The following PRKCSH variants were observed in gnomAD, a reference collection of about 807,000 sequenced individuals.
PRKCSH encodes glucosidase 2 subunit beta.
Under a neutral mutation model 79.7 loss-of-function variants are expected in PRKCSH, and 42 were observed. That is an observed-to-expected ratio of 0.53 (90% CI 0.41 to 0.68). The LOEUF is 0.68. PRKCSH is among the 30% of genes least tolerant of loss of function. PRKCSH has a pLI of 0.00. For missense variants in PRKCSH, 686 were observed against 709.0 expected, an observed-to-expected ratio of 0.97 and a Z score of 0.37; for synonymous variants, 325 against 288.2, an observed-to-expected ratio of 1.13 and a Z score of -1.29.
In PRKCSH at chr19:11,447,398, A is replaced by C; in HGVS notation, c.850-41A>C. On this transcript the variant is annotated intron_variant, in intron 10 of 17. Transcript: ENST00000677123. The surrounding 1 kb of genome is among the most constrained non-coding windows in gnomAD (Gnocchi z 5.6). ...GGTGTGAGCCTGAGGGTGTGGGTGG[A>C]CCCTGAGTCCACAACACCGACCGCA... The C allele has an allele frequency of 6.3e-7, 1 of 1,598,612 alleles. No individual in the cohort carries two copies. Among genetic ancestry groups the C allele is most frequent in the Non-Finnish European group, 8.6e-7 (1 of 1,167,692 alleles).
In PRKCSH at chr19:11,435,684, A is replaced by T. The variant is rs1436377195; in HGVS notation, c.-100A>T. 1 of 1,306,346 alleles carries T rather than the reference A, an allele frequency of 7.7e-7. No homozygotes were observed. The highest frequency in any genetic ancestry group is 5.3e-5 in the East Asian group (1 of 18,940). 80.9% of individuals were successfully genotyped at this position (1,306,346 alleles called of 1,614,324 possible). On this transcript the variant is annotated 5_prime_UTR_variant, in exon 1 of 18. Coordinates refer to ENST00000677123, the MANE Select transcript of PRKCSH (RefSeq NM_001289104.2). ...GCTGGACAAGAGGGGTGCGGTGGAT[A>T]CTGACCTTTGCTCCGGCCTCGTGTA...
In PRKCSH at chr19:11,445,418, G is replaced by C. The variant is rs200168017; in HGVS notation, c.628G>C (p.Glu210Gln). 6.2e-7 allele frequency: 1 copy of C among 1,614,078 alleles called. No individual in the cohort carries two copies. Among genetic ancestry groups the C allele is most frequent in the South Asian group, 1.1e-5 (1 of 91,082 alleles). ...EQLAAAKAQQ[E>Q]QELAADAFKE... ...GCTGGCTGCTGCCAAGGCCCAACAG[G>C]AGCAGGAGCTGGCGGCTGATGCCTT... Residue 210 changes from glutamate to glutamine, a missense_variant, in exon 8 of 18, where the codon GAG (glutamate) becomes CAG (glutamine). Coordinates refer to ENST00000677123, the MANE Select transcript of PRKCSH (RefSeq NM_001289104.2).
At position 11,448,348 on chromosome 19, in the gene PRKCSH, C is replaced by T. The variant is rs1970423765; in HGVS notation, c.1196+57C>T. On this transcript the variant is annotated intron_variant, in intron 13 of 17. Coordinates refer to ENST00000677123, the MANE Select transcript of PRKCSH (RefSeq NM_001289104.2). This position sits in a 1 kb window ranked among gnomAD's most constrained non-coding sequence, Gnocchi z 4.4. ...CCCACAGCGACTGCTCCTTGACTCC[C>T]AGGGGAGCTGGTGATGGGGAATCAC... 18 of 1,542,342 alleles carry T rather than the reference C, an allele frequency of 1.2e-5. No individual in the cohort carries two copies. The East Asian group carries it at 4.3e-4, about 37-fold the overall frequency.
intron 7 of PRKCSH, among the ~76,000 whole-genome samples, chr19:11,444,143 A>G (rs1042449473): frequency 6.6e-5 from 10 of 152,184 alleles, no homozygotes; most frequent in Non-Finnish European, 5.9e-5. Flanking sequence ...TTTTTTGGTA[A>G]GGCCACATTG....
intron 5 of PRKCSH, among the ~76,000 whole-genome samples, chr19:11,438,730 G>T (rs1319157182): frequency 6.7e-6 from 1 of 149,556 alleles, no homozygotes; most frequent in African/African-American, 2.5e-5. Context: ...AATCCAGCCT[G>T]GGCAACAGAG....
intron 7 of PRKCSH, among the ~76,000 whole-genome samples, chr19:11,444,865 C>T (rs563811074): frequency 2.0e-5 from 3 of 152,076 alleles, no homozygotes; most frequent in Admixed American, 6.5e-5. Flanking sequence ...AGCCCTGCCC[C>T]GACATGCCTC....
In PRKCSH at chr19:11,448,705, C is replaced by T. The variant is rs1366690298; in HGVS notation, c.1286+76C>T. On this transcript the variant is annotated intron_variant, in intron 14 of 17. Coordinates refer to ENST00000677123, the MANE Select transcript of PRKCSH (RefSeq NM_001289104.2). This position sits in a 1 kb window ranked among gnomAD's most constrained non-coding sequence, Gnocchi z 4.4. ...GCCCCGGAAGTGGCACCGGCAGTTT[C>T]CTGATGGTTGGGGAACCATCTGCGG... 1 of 1,466,982 alleles carries T rather than the reference C, an allele frequency of 6.8e-7. No individual in the cohort carries two copies. Among genetic ancestry groups the T allele is most frequent in the Non-Finnish European group, 9.5e-7 (1 of 1,047,902 alleles). 90.9% of individuals were successfully genotyped at this position (1,466,982 alleles called of 1,614,324 possible). A position where few individuals can be genotyped will look rare whatever the true frequency, so the allele number is the denominator to read the frequency against.
At position 11,447,420 on chromosome 19, in the gene PRKCSH, C is replaced by T. The variant is rs377749506; in HGVS notation, c.850-19C>T. 118 of 1,612,374 alleles carry T rather than the reference C, an allele frequency of 7.3e-5. No homozygotes were observed. Among genetic ancestry groups the T allele is most frequent in the Middle Eastern group, 6.6e-4 (4 of 6,066 alleles). ...TGGACCCTGAGTCCACAACACCGAC[C>T]GCACTGCTCACCCGCCAGGCACTGC... On this transcript the variant is annotated intron_variant, in intron 10 of 17. Coordinates refer to ENST00000677123, the MANE Select transcript of PRKCSH (RefSeq NM_001289104.2). This position sits in a 1 kb window ranked among gnomAD's most constrained non-coding sequence, Gnocchi z 5.6.
chr19:11,436,256 T>G, intron 2 of PRKCSH, 60 bp downstream of exon 2: 1 of 1,599,366 alleles, frequency 6.3e-7, no homozygotes. Flanking sequence ...ACATTGGGCC[T>G]TAGGGATAGG....
At position 11,449,026 on chromosome 19, in the gene PRKCSH, C is replaced by T. The variant is rs1451151931; in HGVS notation, c.1361+38C>T. 2 of 1,612,932 alleles carry T rather than the reference C, an allele frequency of 1.2e-6. No homozygotes were observed. Among genetic ancestry groups the T allele is most frequent in the Non-Finnish European group, 1.7e-6 (2 of 1,179,980 alleles). ...GGCTGGCCCCTTCCCTCTGCCTCCT[C>T]CTGGTGCCCCGACACCGGCCCAGCC... On this transcript the variant is annotated intron_variant, in intron 15 of 17. Coordinates refer to ENST00000677123, the MANE Select transcript of PRKCSH (RefSeq NM_001289104.2). This position sits in a 1 kb window ranked among gnomAD's most constrained non-coding sequence, Gnocchi z 6.4.
At chr19:11,436,536 G>A (rs1442301553) in intron 3 of PRKCSH, 31 bp downstream of exon 3, 3 of 1,539,884 alleles carry the variant, frequency 1.9e-6, no homozygotes, top group African/African-American at 1.4e-5. Flanking sequence ...TCCATCAGAT[G>A]TTTATTGAAC....
Position 11,449,493 on chromosome 19 carries a change from G to T in PRKCSH, c.*16+65G>T, listed in dbSNP as rs1399279314. 1 of 1,600,296 alleles carries T rather than the reference G, an allele frequency of 6.2e-7. No individual in the cohort carries two copies. Among genetic ancestry groups the T allele is most frequent in the African/African-American group, 1.3e-5 (1 of 74,680 alleles). Reference sequence around the variant, plus strand: ...AGGGGAGGCGGCGGGCCCTGAGGAAGATGGACCCACATGGCCACTCTATCA... The same window carrying T: ...AGGGGAGGCGGCGGGCCCTGAGGAATATGGACCCACATGGCCACTCTATCA... On this transcript the variant is annotated intron_variant, in intron 17 of 17. Transcript: ENST00000677123. The surrounding 1 kb of genome is among the most constrained non-coding windows in gnomAD (Gnocchi z 6.4).
In PRKCSH at chr19:11,437,858, C is replaced by T. The variant is rs182495221; in HGVS notation, c.197-18C>T. 9.3e-5 allele frequency: 150 copies of T among 1,612,506 alleles called. No homozygotes were observed. Among genetic ancestry groups the T allele is most frequent in the Non-Finnish European group, 1.3e-4 (148 of 1,178,526 alleles). On this transcript the variant is annotated intron_variant, in intron 3 of 17. Transcript: ENST00000677123. ...CCTGAGCTGACTCCGAAAACCTTCC[C>T]TCCCTTCTTCCTCACAGGCACGGCT...
chr19:11,447,947 C>G lies in PRKCSH; in HGVS notation c.1126+158C>G, dbSNP rs532411828. The G allele has an allele frequency of 1.2e-5, 11 of 930,412 alleles. No homozygotes were observed. The highest frequency in any genetic ancestry group is 1.6e-5 in the Non-Finnish European group (10 of 632,550). 57.6% of individuals were successfully genotyped at this position (930,412 alleles called of 1,614,324 possible). Reference sequence around the variant, plus strand: ...TCCAGGAAGGGGGCCTAGGGTAAGCCAGTCCCACCCTCGCCAGCCCCAAGG... The same window carrying G: ...TCCAGGAAGGGGGCCTAGGGTAAGCGAGTCCCACCCTCGCCAGCCCCAAGG... On this transcript the variant is annotated intron_variant, in intron 12 of 17. Transcript: ENST00000677123. The surrounding 1 kb of genome is among the most constrained non-coding windows in gnomAD (Gnocchi z 5.6).
At chr19:11,437,797 G>C (rs1156723914) in intron 3 of PRKCSH, 79 bp from the exon 4 acceptor site, 2 of 1,234,834 alleles carry the variant, frequency 1.6e-6, no homozygotes, top group African/African-American at 3.0e-5. Context: ...TGTGGGTCAG[G>C]GGCTCTTATC....
rs769375462 is a variant in PRKCSH at position 11,436,102 on chromosome 19, CAG to C, written c.-13_-12del. ...CTCCCACAGAACCCGTTTCGGGCCT[CAG>C]AGCGTCTGGTGAGATGCTGTTGCCG... is the stretch of plus-strand genomic sequence containing the variant. On this transcript the variant is annotated 5_prime_UTR_variant, in exon 2 of 18. Transcript: ENST00000677123. The C allele has an allele frequency of 6.2e-7, 1 of 1,607,582 alleles. No homozygotes were observed. Among genetic ancestry groups the C allele is most frequent in the East Asian group, 2.2e-5 (1 of 44,874 alleles).
Position 11,436,139 on chromosome 19 carries a change from C to G in PRKCSH, c.22C>G (p.Leu8Val), listed in dbSNP as rs747755213. The change falls in exon 2 of 18, where the codon CTG (leucine) becomes GTG (valine). Residue 8 changes from leucine (L) to valine (V), a missense_variant. Leu to Val is a conservative substitution (Grantham distance 32). Transcript: ENST00000677123. ...TGAGATGCTGTTGCCGCTGCTGCTG[C>G]TGCTACCCATGTGCTGGGCCGTGGA... The part of the protein sequence containing the change: MLLPLLL[L>V]LPMCWAVEVK... 2 of 1,608,266 alleles carry G rather than the reference C, an allele frequency of 1.2e-6. No individual in the cohort carries two copies. Among genetic ancestry groups the G allele is most frequent in the Non-Finnish European group, 1.7e-6 (2 of 1,178,986 alleles).
intron 7 of PRKCSH, among the ~76,000 whole-genome samples, chr19:11,445,173 C>T (rs1158673110): frequency 6.6e-6 from 1 of 152,190 alleles, no homozygotes; most frequent in Non-Finnish European, 1.5e-5. Context: ...GTCCCGGTCT[C>T]CCCCAACACA....
intron 5 of PRKCSH, 63 bp downstream of exon 5, chr19:11,438,187 T>C: frequency 6.4e-7 from 1 of 1,553,182 alleles, no homozygotes; most frequent in African/African-American, 1.4e-5. Flanking sequence ...CTCCACCCAG[T>C]GAATCGGGCC....
Sources: allele counts gnomAD v4.1 joint callset (sites outside exome capture counted in the v4.1 genomes callset), GRCh38; gene constraint gnomAD v4.1.1; non-coding constraint Gnocchi (gnomAD v3.1); transcripts MANE v1.5; gene names NCBI Gene and HGNC (gene_info 2026-07-23, HGNC 2026-07-21).